Variants in MOV10L1 observed in about 807,000 individuals in gnomAD.
MOV10L1 encodes Mov10 like RNA helicase 1.
In MOV10L1, 110 loss-of-function variants were observed where a neutral mutation model predicts 143.8. The ratio of observed to expected loss-of-function variants is 0.76; its 90% CI spans 0.66 to 0.90. The LOEUF is 0.90. Ranked by LOEUF, MOV10L1 falls within the 40% of genes least tolerant of loss-of-function variation. The pLI is 0.00. For synonymous variants in MOV10L1, 593 were observed against 581.1 expected, an observed-to-expected ratio of 1.02 and a Z score of -0.29; for missense variants, 1,406 against 1,526.8, an observed-to-expected ratio of 0.92 and a Z score of 1.32.
intron 2 of MOV10L1, 95 bp downstream of exon 2, chr22:50,092,280 A>AG (rs1425964368): frequency 8.9e-7 from 1 of 1,120,458 alleles, no homozygotes; most frequent in Admixed American, 2.2e-5. Flanking sequence ...GACCCGGCCA[A>AG]GGGAGAAAGA....
chr22:50,151,021 A>C, intron 21 of MOV10L1, 122 bp downstream of exon 21: 9 of 1,251,482 alleles, frequency 7.2e-6, no homozygotes, highest in Non-Finnish European at 1.0e-5. Context: ...AGTGCAGGGG[A>C]GCACCCACCA....
At chr22:50,145,900 A>C in intron 19 of MOV10L1, 90 bp downstream of exon 19, 1 of 1,556,766 alleles carries the variant, frequency 6.4e-7, no homozygotes, top group Non-Finnish European at 8.7e-7. Flanking sequence ...CGGATGACCC[A>C]GAGACTCAGT....
chr22:50,101,947 C>T (rs2061755398), intron 3 of MOV10L1, among the ~76,000 whole-genome samples: 1 of 152,218 alleles, frequency 6.6e-6, no homozygotes, highest in Admixed American at 6.5e-5. Flanking sequence ...CCCCTCAACC[C>T]TGCTAACAGG....
chr22:50,116,541 T>TAG (rs966888941), intron 8 of MOV10L1, among the ~76,000 whole-genome samples: 45 of 152,128 alleles, frequency 3.0e-4, no homozygotes, highest in African/African-American at 1.0e-3. Flanking sequence ...GAAAGCACAT[T>TAG]AGATATAGTA....
intron 5 of MOV10L1, among the ~76,000 whole-genome samples, chr22:50,111,932 C>T (rs929596562): frequency 3.7e-4 from 57 of 152,312 alleles, no homozygotes; most frequent in African/African-American, 1.3e-3. Context: ...GTCTGCTTTC[C>T]AGCCCCATAT....
intron 4 of MOV10L1, 68 bp downstream of exon 4, chr22:50,108,316 GC>G: frequency 7.2e-7 from 1 of 1,382,214 alleles, no homozygotes; most frequent in Non-Finnish European, 1.0e-6. Context: ...AACTTGCACG[GC>G]CCAGGCTTCT....
intron 22 of MOV10L1, among the ~76,000 whole-genome samples, chr22:50,154,971 G>C (rs2063389403): frequency 6.6e-6 from 1 of 152,044 alleles, no homozygotes; most frequent in Admixed American, 6.6e-5. Flanking sequence ...TTGGGAGTCA[G>C]TTTGCTTTTA....
At chr22:50,091,788 C>G (rs1403459674) in intron 1 of MOV10L1, among the ~76,000 whole-genome samples, 1 of 152,200 alleles carries the variant, frequency 6.6e-6, no homozygotes, top group African/African-American at 2.4e-5. Context: ...CTGTGCCCTT[C>G]TGAGGAAACT....
intron 17 of MOV10L1, among the ~76,000 whole-genome samples, chr22:50,143,771 G>A (rs1393213667): frequency 1.3e-5 from 2 of 152,206 alleles, no homozygotes; most frequent in African/African-American, 4.8e-5. Flanking sequence ...TACATTTAGC[G>A]TCATTCAGGA....
chr22:50,090,316 C>T, intron 1 of MOV10L1, 131 bp downstream of exon 1: 2 of 1,470,002 alleles, frequency 1.4e-6, no homozygotes, highest in South Asian at 2.8e-5. Context: ...TTCCTCATCT[C>T]CGCTGGCGGG....
chr22:50,106,126 A>AGAAAGGTCCTCT (rs1295492285), intron 3 of MOV10L1, among the ~76,000 whole-genome samples: 1 of 152,094 alleles, frequency 6.6e-6, no homozygotes, highest in Non-Finnish European at 1.5e-5. Flanking sequence ...CTCCTTCAAT[A>AGAAAGGTCCTCT]GAAAGGTCTT....
In MOV10L1 at chr22:50,096,741, G is replaced by A. The variant is rs533316757; in HGVS notation, c.283-2702G>A. On this transcript the variant is annotated intron_variant, in intron 2 of 26. Coordinates refer to ENST00000262794, the MANE Select transcript of MOV10L1 (RefSeq NM_018995.3). ...TTTGCATTTCCCTAATGATTTGTGA[G>A]GGCATCTTTTCATGTGCTTATTGGC... 1.5e-4 allele frequency among the ~76,000 whole-genome samples: 23 copies of A among 152,126 alleles called. 2 individuals are homozygous for A. The South Asian group carries it at 4.6e-3, about 30-fold the overall frequency.
In MOV10L1 at chr22:50,159,924, G is replaced by C; in HGVS notation, c.3324+139G>C. ...TGCAGGCGGAGACTCCCTAGGTCCA[G>C]GAGCCATTGTAAGCAGTGGCTGTGG... On this transcript the variant is annotated intron_variant, in intron 24 of 26. Transcript: ENST00000262794. The surrounding 1 kb of genome is among the most constrained non-coding windows in gnomAD (Gnocchi z 4.1). 1 of 613,038 alleles carries C rather than the reference G, an allele frequency of 1.6e-6. No homozygotes were observed. Among genetic ancestry groups the C allele is most frequent in the Non-Finnish European group, 2.9e-6 (1 of 346,714 alleles). The allele number at this position is 613,038 out of a possible 1,614,324, so 38.0% of individuals were successfully genotyped here.
At chr22:50,112,000 A>C (rs566954333) in intron 5 of MOV10L1, among the ~76,000 whole-genome samples, 1 of 152,320 alleles carries the variant, frequency 6.6e-6, no homozygotes, top group African/African-American at 2.4e-5. Context: ...ACTGAGCCAC[A>C]GGGGTGTGCG....
intron 9 of MOV10L1, among the ~76,000 whole-genome samples, chr22:50,118,888 C>G (rs899577186): frequency 3.3e-5 from 5 of 152,196 alleles, no homozygotes; most frequent in Admixed American, 6.5e-5. Context: ...TATCACCCAT[C>G]CTGCAGGCTC....
chr22:50,156,458 C>T (rs565576087), intron 22 of MOV10L1, among the ~76,000 whole-genome samples: 8 of 152,322 alleles, frequency 5.3e-5, no homozygotes, highest in African/African-American at 1.9e-4. Flanking sequence ...AGTATATTCA[C>T]ATTGTTTTGC....
rs1307663189 is a variant in MOV10L1 at position 50,114,457 on chromosome 22, C to CA, written c.964dup (p.Met322AsnfsTer4). On this transcript the variant is annotated frameshift_variant, in exon 7 of 27. Transcript: ENST00000262794. LOFTEE classifies it high-confidence loss of function. Reference sequence around the variant, plus strand: ...GGATAAATCTAAACAATTCAGATTCCAAATGCTGGATAAAGACCAGATGTG... The same window carrying CA: ...GGATAAATCTAAACAATTCAGATTCCAAAATGCTGGATAAAGACCAGATGTG... The CA allele has an allele frequency of 6.2e-7, 1 of 1,614,122 alleles. No homozygotes were observed. Among genetic ancestry groups the CA allele is most frequent in the Non-Finnish European group, 8.5e-7 (1 of 1,180,024 alleles).
intron 2 of MOV10L1, among the ~76,000 whole-genome samples, chr22:50,092,401 C>T (rs1197080065): frequency 3.9e-5 from 6 of 152,084 alleles, no homozygotes; most frequent in African/African-American, 1.4e-4. Flanking sequence ...AAGGCTGAGA[C>T]AGGCAGATCA....
intron 3 of MOV10L1, among the ~76,000 whole-genome samples, chr22:50,104,967 T>C (rs138213): frequency 0.95 from 144,192 of 151,086 alleles, 68,875 homozygotes; most frequent in East Asian, 1. Context: ...TCATAGCTCA[T>C]TGCAGCCTCA....
Sources: gnomAD v4.1 joint callset for allele counts (sites outside exome capture counted in the v4.1 genomes callset) on GRCh38, gnomAD v4.1.1 for gene constraint, Gnocchi (gnomAD v3.1) non-coding constraint, MANE v1.5 for transcripts, NCBI Gene and HGNC (gene_info 2026-07-23, HGNC 2026-07-21) for gene names.